Variants in PLXDC2 observed in about 807,000 individuals in gnomAD.
PLXDC2 encodes the protein plexin domain containing 2.
Under a neutral mutation model 68.9 loss-of-function variants are expected in PLXDC2, and 40 were observed. That is an observed-to-expected ratio of 0.58 (90% CI 0.45 to 0.76). The LOEUF is 0.76. Among genes scored for constraint, PLXDC2 ranks in the 30% least tolerant of loss-of-function variants. The probability of loss-of-function intolerance (pLI) is 0.00; values close to 1 mark genes in which losing one functional copy is unlikely to be tolerated. For missense variants in PLXDC2, 644 were observed against 661.9 expected, an observed-to-expected ratio of 0.97 and a Z score of 0.30; for synonymous variants, 243 against 234.2, an observed-to-expected ratio of 1.04 and a Z score of -0.34.
intron 12 of PLXDC2, among the ~76,000 whole-genome samples, chr10:20,239,177 A>G (rs146498825): frequency 6.6e-6 from 1 of 152,192 alleles, no homozygotes. Context: ...TGTGAGAAAG[A>G]TGCTTGTTTA....
At chr10:19,874,371 C>A (rs1248074566) in intron 1 of PLXDC2, among the ~76,000 whole-genome samples, 1 of 152,140 alleles carries the variant, frequency 6.6e-6, no homozygotes, top group African/African-American at 2.4e-5. Flanking sequence ...CTGAGGGGAG[C>A]AACTCACTTT....
intron 6 of PLXDC2, among the ~76,000 whole-genome samples, chr10:20,152,544 AT>A (rs1158929564): frequency 6.6e-6 from 1 of 152,084 alleles, no homozygotes; most frequent in African/African-American, 2.4e-5. Flanking sequence ...TAAGAATAAT[AT>A]TTTTTTAAAG....
chr10:19,863,612 G>A (rs540604505), intron 1 of PLXDC2, among the ~76,000 whole-genome samples: 3 of 152,292 alleles, frequency 2.0e-5, no homozygotes. Flanking sequence ...GCTTGAATAA[G>A]TTAATGACTT....
chr10:20,080,257 A>T (rs577619394), intron 4 of PLXDC2, among the ~76,000 whole-genome samples: 14 of 152,324 alleles, frequency 9.2e-5, no homozygotes, highest in African/African-American at 3.1e-4. Flanking sequence ...AGGTTGTATT[A>T]GGGTTCTGTA....
intron 3 of PLXDC2, among the ~76,000 whole-genome samples, chr10:20,047,742 A>G (rs556741125): frequency 5.3e-5 from 8 of 152,228 alleles, no homozygotes; most frequent in African/African-American, 1.7e-4. Flanking sequence ...CTCCACAACA[A>G]TCCTATGATT....
chr10:20,178,081 G>T (rs138450343), intron 9 of PLXDC2, among the ~76,000 whole-genome samples: 2 of 151,880 alleles, frequency 1.3e-5, no homozygotes, highest in South Asian at 2.1e-4. Context: ...TCATAGCAAG[G>T]GTGGTTTATA....
At chr10:20,116,489 C>G (rs1833624396) in intron 4 of PLXDC2, among the ~76,000 whole-genome samples, 1 of 151,242 alleles carries the variant, frequency 6.6e-6, no homozygotes, top group Admixed American at 6.6e-5. Context: ...AGTTAATAAG[C>G]CATTTTTTTT....
intron 1 of PLXDC2, among the ~76,000 whole-genome samples, chr10:19,930,661 T>TAAATAAA (rs1833612645): frequency 1.3e-5 from 2 of 151,560 alleles, no homozygotes; most frequent in Non-Finnish European, 2.9e-5. Flanking sequence ...AAAAAATAAA[T>TAAATAAA]AAATAAAAAA....
At chr10:20,151,793 G>A (rs1198782087) in intron 6 of PLXDC2, among the ~76,000 whole-genome samples, 1 of 151,974 alleles carries the variant, frequency 6.6e-6, no homozygotes, top group African/African-American at 2.4e-5. Context: ...TCCTGTCCAA[G>A]CTAAACTTGC....
At chr10:20,030,290 A>T (rs1159835761) in intron 2 of PLXDC2, among the ~76,000 whole-genome samples, 2 of 152,198 alleles carry the variant, frequency 1.3e-5, no homozygotes, top group Admixed American at 1.3e-4. Flanking sequence ...TTCCTTTTAT[A>T]AGGAGATAGG....
At chr10:20,173,355 C>T (rs955189843) in intron 7 of PLXDC2, among the ~76,000 whole-genome samples, 1 of 152,106 alleles carries the variant, frequency 6.6e-6, no homozygotes, top group Admixed American at 6.6e-5. Context: ...GGAGATTTCT[C>T]ATATAGTCTC....
intron 3 of PLXDC2, among the ~76,000 whole-genome samples, chr10:20,062,126 G>A: frequency 6.6e-6 from 1 of 152,096 alleles, no homozygotes; most frequent in East Asian, 1.9e-4. Context: ...ACTTTAAAAG[G>A]CTTTAAAAGG....
chr10:20,225,578 C>T (rs780372110), intron 12 of PLXDC2, among the ~76,000 whole-genome samples: 1 of 152,152 alleles, frequency 6.6e-6, no homozygotes, highest in Non-Finnish European at 1.5e-5. Flanking sequence ...TATCATCATA[C>T]TGAAAAGTTC....
At chr10:19,973,308 ACT>A (rs1415100205) in intron 1 of PLXDC2, among the ~76,000 whole-genome samples, 2 of 134,810 alleles carry the variant, frequency 1.5e-5, no homozygotes, top group Admixed American at 7.3e-5. Context: ...ATATATATAT[ACT>A]CACATATATA....
chr10:19,843,574 A>G (rs1836945397), intron 1 of PLXDC2, among the ~76,000 whole-genome samples: 1 of 152,246 alleles, frequency 6.6e-6, no homozygotes, highest in African/African-American at 2.4e-5. Flanking sequence ...TGTGGTGTAT[A>G]TACACAATAG....
At chr10:20,211,774 T>C (rs924441685) in intron 10 of PLXDC2, 45 bp downstream of exon 10, 20 of 1,566,770 alleles carry the variant, frequency 1.3e-5, no homozygotes, top group African/African-American at 2.7e-5. Context: ...CAAGCTGTCA[T>C]ATACATGTGT....
At chr10:20,145,528 C>T (rs1247158585) in intron 5 of PLXDC2, among the ~76,000 whole-genome samples, 1 of 151,970 alleles carries the variant, frequency 6.6e-6, no homozygotes, top group Non-Finnish European at 1.5e-5. Flanking sequence ...TAAAACTTAA[C>T]ATGTGCAAAC....
intron 3 of PLXDC2, among the ~76,000 whole-genome samples, chr10:20,054,078 G>T (rs1241448589): frequency 1.3e-5 from 2 of 152,042 alleles, no homozygotes; most frequent in Non-Finnish European, 2.9e-5. Context: ...ATGCAGAACT[G>T]GGCTCAGTTC....
At chr10:19,836,041 G>T (rs1294102335) in intron 1 of PLXDC2, among the ~76,000 whole-genome samples, 2 of 151,986 alleles carry the variant, frequency 1.3e-5, no homozygotes, top group Admixed American at 6.6e-5. Context: ...GCAGGATGTG[G>T]TGGTGCACAT....
Sources: gnomAD v4.1 joint callset for allele counts (sites outside exome capture counted in the v4.1 genomes callset) on GRCh38, gnomAD v4.1.1 for gene constraint, MANE v1.5 for transcripts, NCBI Gene and HGNC (gene_info 2026-07-23, HGNC 2026-07-21) for gene names.